The following CTNNBL1 variants were observed in gnomAD, a reference collection of about 807,000 sequenced individuals.
The protein encoded by CTNNBL1 is catenin beta like 1, also known as beta-catenin-like protein 1.
Under a neutral mutation model 72.7 loss-of-function variants are expected in CTNNBL1, and 31 were observed. The observed-to-expected ratio is 0.43, with a 90% confidence interval of 0.32 to 0.58. CTNNBL1 has a LOEUF of 0.58. CTNNBL1 is among the 20% of genes least tolerant of loss of function. The pLI, the probability that CTNNBL1 is intolerant of heterozygous loss-of-function variation, is 0.08. For missense variants in CTNNBL1, 534 were observed against 725.1 expected (o/e 0.74, Z 3.03); for synonymous variants, 240 against 267.3 (o/e 0.90, Z 1.00).
At chr20:37,738,109 T>C (rs1277728154) in intron 3 of CTNNBL1, among the ~76,000 whole-genome samples, 1 of 152,234 alleles carries the variant, frequency 6.6e-6, no homozygotes, top group Non-Finnish European at 1.5e-5. Flanking sequence ...TCTCCTGCAT[T>C]ATTCTTTTCA....
At chr20:37,768,116 G>A in intron 7 of CTNNBL1, 72 bp downstream of exon 7, 9 of 1,261,290 alleles carry the variant, frequency 7.1e-6, no homozygotes, top group Non-Finnish European at 9.3e-6. Flanking sequence ...TGGGTTATTG[G>A]CATAGACTGT....
intron 10 of CTNNBL1, among the ~76,000 whole-genome samples, chr20:37,781,565 T>C (rs1338735181): frequency 2.0e-5 from 3 of 152,196 alleles, no homozygotes; most frequent in Non-Finnish European, 4.4e-5. Flanking sequence ...TGGCATTAAT[T>C]AGCTATATTA....
chr20:37,796,824 G>A (rs937054674), intron 10 of CTNNBL1, among the ~76,000 whole-genome samples: 1 of 152,178 alleles, frequency 6.6e-6, no homozygotes, highest in Non-Finnish European at 1.5e-5. Flanking sequence ...CATGGTACAT[G>A]CCTGTCTCAT....
chr20:37,815,450 T>C (rs1003223093), intron 11 of CTNNBL1, among the ~76,000 whole-genome samples: 1 of 151,972 alleles, frequency 6.6e-6, no homozygotes, highest in Admixed American at 6.5e-5. Context: ...CCCAAGTAGC[T>C]GGGATTACAG....
intron 11 of CTNNBL1, among the ~76,000 whole-genome samples, chr20:37,831,929 C>T (rs2072213764): frequency 6.6e-6 from 1 of 152,198 alleles, no homozygotes; most frequent in South Asian, 2.1e-4. Context: ...GACCAAAAGG[C>T]AAATGATTAT....
chr20:37,800,205 C>G (rs2073812302), intron 10 of CTNNBL1, among the ~76,000 whole-genome samples: 1 of 152,220 alleles, frequency 6.6e-6, no homozygotes. Context: ...ATACTGCCTT[C>G]TCTTGCAAGA....
At chr20:37,847,236 G>C (rs943530868) in intron 13 of CTNNBL1, among the ~76,000 whole-genome samples, 3 of 152,158 alleles carry the variant, frequency 2.0e-5, no homozygotes, top group African/African-American at 7.2e-5. Flanking sequence ...CAACAGGACT[G>C]ATAGATAATT....
Position 37,756,723 on chromosome 20 carries a change from G to A in CTNNBL1, c.467-836G>A, listed in dbSNP as rs528038668. Among the ~76,000 whole-genome samples the A allele has an allele frequency of 1.5e-3, 218 of 142,486 alleles. 1 individual carries two copies. The highest frequency in any genetic ancestry group is 4.8e-3 in the African/African-American group (181 of 37,778). The allele number at this position is 142,486 out of a possible 152,430, so 93.5% of individuals were successfully genotyped here. On this transcript the variant is annotated intron_variant, in intron 4 of 15. Coordinates refer to ENST00000361383, the MANE Select transcript of CTNNBL1 (RefSeq NM_030877.5). ...CACGATCATAGCTCACTGCAGCCTC[G>A]ATCTCCTGAACTCAAGCAAGCCTCC...
At chr20:37,762,913 G>A (rs1409367514) in intron 5 of CTNNBL1, among the ~76,000 whole-genome samples, 1 of 152,172 alleles carries the variant, frequency 6.6e-6, no homozygotes, top group Non-Finnish European at 1.5e-5. Context: ...CCTCCAGCCA[G>A]AGGCCCATTA....
chr20:37,852,107 C>CAG (rs368453889), intron 13 of CTNNBL1, among the ~76,000 whole-genome samples: 31 of 152,236 alleles, frequency 2.0e-4, no homozygotes, highest in African/African-American at 6.8e-4. Context: ...AGAAGGCAGT[C>CAG]ACCTTCAGGC....
chr20:37,839,457 A>G (rs2072282968), intron 11 of CTNNBL1, among the ~76,000 whole-genome samples: 1 of 152,222 alleles, frequency 6.6e-6, no homozygotes, highest in South Asian at 2.1e-4. Context: ...TGAAGCCTAT[A>G]ATATACCCTT....
chr20:37,864,825 A>C, intron 15 of CTNNBL1, among the ~76,000 whole-genome samples: 1 of 61,372 alleles, frequency 1.6e-5, no homozygotes, highest in Non-Finnish European at 3.3e-5. Context: ...GTGGTGCTGT[A>C]GGCTTCTTCT....
At chr20:37,857,945 C>T (rs1255717957) in intron 13 of CTNNBL1, among the ~76,000 whole-genome samples, 3 of 152,216 alleles carry the variant, frequency 2.0e-5, no homozygotes, top group African/African-American at 7.2e-5. Flanking sequence ...AATCCCATCA[C>T]TTTGGGAGGC....
intron 5 of CTNNBL1, among the ~76,000 whole-genome samples, chr20:37,758,634 A>G (rs1034038789): frequency 3.3e-5 from 5 of 152,176 alleles, no homozygotes; most frequent in Admixed American, 6.5e-5. Flanking sequence ...TCCAGCCCCT[A>G]CCCTGATACC....
At chr20:37,721,004 G>A (rs1001670961) in intron 1 of CTNNBL1, among the ~76,000 whole-genome samples, 1 of 152,170 alleles carries the variant, frequency 6.6e-6, no homozygotes, top group African/African-American at 2.4e-5. Flanking sequence ...TTTGAGTGGG[G>A]GCTTAAGACT....
intron 11 of CTNNBL1, among the ~76,000 whole-genome samples, chr20:37,825,960 C>T (rs1220478941): frequency 6.6e-6 from 1 of 152,192 alleles, no homozygotes; most frequent in Admixed American, 6.5e-5. Flanking sequence ...GCTGGAGTCT[C>T]CTTTTCCACA....
At chr20:37,740,305 G>A (rs1367392801) in intron 3 of CTNNBL1, among the ~76,000 whole-genome samples, 3 of 152,096 alleles carry the variant, frequency 2.0e-5, no homozygotes, top group Non-Finnish European at 4.4e-5. Flanking sequence ...TCAGCGAGGT[G>A]AAATTAAGAT....
intron 2 of CTNNBL1, among the ~76,000 whole-genome samples, chr20:37,737,085 A>G (rs1404159785): frequency 2.6e-5 from 4 of 151,888 alleles, no homozygotes; most frequent in African/African-American, 4.8e-5. Context: ...TTAGCCGGGC[A>G]TGGGGGCATG....
intron 1 of CTNNBL1, among the ~76,000 whole-genome samples, chr20:37,726,503 A>G (rs1185809132): frequency 6.6e-6 from 1 of 152,160 alleles, no homozygotes; most frequent in Non-Finnish European, 1.5e-5. Flanking sequence ...TCCCTATTCT[A>G]TTAATATAAA....
Sources: allele counts gnomAD v4.1 joint callset (sites outside exome capture counted in the v4.1 genomes callset), GRCh38; gene constraint gnomAD v4.1.1; transcripts MANE v1.5; gene names NCBI Gene and HGNC (gene_info 2026-07-23, HGNC 2026-07-21).